Variants in TLN2 observed in about 807,000 individuals in gnomAD.
The protein encoded by TLN2 is talin 2.
In TLN2, 118 loss-of-function variants were observed where a neutral mutation model predicts 294.7. The observed-to-expected ratio is 0.40, with a 90% CI of 0.34 to 0.47. The LOEUF is 0.47. Among genes scored for constraint, TLN2 ranks in the 20% least tolerant of loss-of-function variants. TLN2 has a pLI of 0.84. For missense variants in TLN2, 3,083 were observed against 3,282.2 expected (o/e 0.94, Z 1.48); for synonymous variants, 1,431 against 1,304.5 (o/e 1.10, Z -2.09).
intron 11 of TLN2, among the ~76,000 whole-genome samples, chr15:62,677,896 A>G (rs541155737): frequency 1.5e-5 from 2 of 131,370 alleles, no homozygotes; most frequent in African/African-American, 5.6e-5. Context: ...CCTGTGTTCA[A>G]GCGATTCTCC....
intron 1 of TLN2, among the ~76,000 whole-genome samples, chr15:62,510,034 T>G (rs2039848665): frequency 1.3e-5 from 2 of 152,202 alleles, no homozygotes; most frequent in South Asian, 4.1e-4. Flanking sequence ...ATAGGGAAAG[T>G]TTTTAAGACA....
chr15:62,664,857 CAAA>C (rs10634187), intron 9 of TLN2, among the ~76,000 whole-genome samples: 7 of 29,236 alleles, frequency 2.4e-4, no homozygotes, highest in Middle Eastern at 0.042. Flanking sequence ...GAAACTGTCT[CAAA>C]AAAAAAAAAA....
intron 12 of TLN2, among the ~76,000 whole-genome samples, chr15:62,689,719 C>G (rs1038268857): frequency 1.3e-5 from 2 of 151,688 alleles, no homozygotes; most frequent in African/African-American, 4.8e-5. Context: ...TTTCTTACCT[C>G]CATGGTTTCT....
intron 37 of TLN2, among the ~76,000 whole-genome samples, chr15:62,759,715 G>C (rs1055970759): frequency 6.6e-6 from 1 of 152,184 alleles, no homozygotes; most frequent in African/African-American, 2.4e-5. Flanking sequence ...GCTGGAAGTC[G>C]TGTGATCCCA....
intron 52 of TLN2, among the ~76,000 whole-genome samples, chr15:62,813,526 A>G (rs1166016348): frequency 6.6e-6 from 1 of 152,166 alleles, no homozygotes; most frequent in Non-Finnish European, 1.5e-5. Context: ...AAAGATCCAA[A>G]TATATTTTAA....
intron 1 of TLN2, among the ~76,000 whole-genome samples, chr15:62,534,357 A>G (rs899180844): frequency 2.6e-5 from 4 of 152,172 alleles, no homozygotes; most frequent in African/African-American, 9.7e-5. Flanking sequence ...CTGACAGGCT[A>G]TATGCTGGGG....
intron 1 of TLN2, among the ~76,000 whole-genome samples, chr15:62,444,840 G>T (rs1241534390): frequency 6.6e-6 from 1 of 152,186 alleles, no homozygotes; most frequent in Non-Finnish European, 1.5e-5. Context: ...GGTGCATATG[G>T]TGTTGGATGC....
At chr15:62,422,929 G>A (rs1029123493) in intron 1 of TLN2, among the ~76,000 whole-genome samples, 1 of 152,180 alleles carries the variant, frequency 6.6e-6, no homozygotes, top group Non-Finnish European at 1.5e-5. Context: ...TTTGAACACC[G>A]GTATTGGGAG....
In TLN2 at chr15:62,840,702, C is replaced by G. The variant is rs1017031871; in HGVS notation, c.*92C>G. The G allele has an allele frequency of 2.0e-6, 3 of 1,507,188 alleles. No individual in the cohort carries two copies. Among genetic ancestry groups the G allele is most frequent in the African/African-American group, 1.4e-5 (1 of 71,528 alleles). 93.4% of individuals were successfully genotyped at this position (1,507,188 alleles called of 1,614,324 possible). On this transcript the variant is annotated 3_prime_UTR_variant, in exon 59 of 59. Coordinates refer to ENST00000636159, the MANE Select transcript of TLN2 (RefSeq NM_015059.3). Reference sequence around the variant, plus strand: ...AGAGGCTGGGCACTTAGCTGGAAACCGCCCACCTCCCTCCCGGGTGAGCCT... The same window carrying G: ...AGAGGCTGGGCACTTAGCTGGAAACGGCCCACCTCCCTCCCGGGTGAGCCT...
intron 21 of TLN2, among the ~76,000 whole-genome samples, chr15:62,711,129 T>G (rs752300642): frequency 1.1e-4 from 16 of 152,178 alleles, no homozygotes; most frequent in Admixed American, 3.3e-4. Flanking sequence ...CTTTTTGTTA[T>G]AGTGCTTCGG....
chr15:62,483,946 G>A (rs548543073), intron 1 of TLN2, among the ~76,000 whole-genome samples: 5 of 152,330 alleles, frequency 3.3e-5, no homozygotes, highest in Admixed American at 6.5e-5. Context: ...AGGGCAGTGC[G>A]TAGAGAAGAT....
At chr15:62,414,746 A>G (rs556863818) in intron 1 of TLN2, among the ~76,000 whole-genome samples, 21 of 140,780 alleles carry the variant, frequency 1.5e-4, no homozygotes, top group African/African-American at 5.1e-4. Flanking sequence ...TTAGATTTCC[A>G]CTAGTGCTTA....
At chr15:62,403,611 C>A (rs1005950051) in intron 1 of TLN2, among the ~76,000 whole-genome samples, 1 of 152,344 alleles carries the variant, frequency 6.6e-6, no homozygotes, top group African/African-American at 2.4e-5. Context: ...TCATCTTCTA[C>A]AGGCTCTCCT....
At chr15:62,392,081 G>C (rs971768349) in intron 1 of TLN2, among the ~76,000 whole-genome samples, 4 of 152,394 alleles carry the variant, frequency 2.6e-5, no homozygotes, top group East Asian at 3.9e-4. Context: ...GCTTCCAGTC[G>C]CCTCTTTGGC....
chr15:62,800,714 C>T lies in TLN2; in HGVS notation c.6422C>T (p.Thr2141Ile), dbSNP rs779977190. 1.9e-6 allele frequency: 3 copies of T among 1,614,014 alleles called. No individual in the cohort carries two copies. In the South Asian group the frequency reaches 3.3e-5, roughly 18 times the overall value. Residue 2141 changes from threonine to isoleucine, a missense_variant, in exon 50 of 59, where the codon ACC (threonine) becomes ATC (isoleucine). Physicochemically the swap from Thr to Ile is moderately conservative, Grantham distance 89. Coordinates refer to ENST00000636159, the MANE Select transcript of TLN2 (RefSeq NM_015059.3). ...GTAAAGGCAGTGGAGGATGAGGCCA[C>T]CCGGGGCACCAGGGCGCTTGAGGCC... ...KTVKAVEDEATRGTRALEATI... is the reference protein window; with the variant it reads ...KTVKAVEDEAIRGTRALEATI...
chr15:62,486,462 T>TG (rs970660779), intron 1 of TLN2, among the ~76,000 whole-genome samples: 3 of 127,756 alleles, frequency 2.3e-5, no homozygotes, highest in Non-Finnish European at 5.2e-5. Context: ...GTTTTTTTTT[T>TG]TTTTTTTTTT....
chr15:62,464,091 A>G (rs1366794913), intron 1 of TLN2, among the ~76,000 whole-genome samples: 1 of 152,244 alleles, frequency 6.6e-6, no homozygotes, highest in Non-Finnish European at 1.5e-5. Context: ...GCAAAGGATT[A>G]TAAATCATGC....
At chr15:62,571,674 C>T (rs1192591953) in intron 1 of TLN2, among the ~76,000 whole-genome samples, 2 of 152,184 alleles carry the variant, frequency 1.3e-5, no homozygotes, top group Non-Finnish European at 2.9e-5. Flanking sequence ...CAGCTTATCT[C>T]CAATTTTCAA....
intron 1 of TLN2, among the ~76,000 whole-genome samples, chr15:62,402,524 G>C (rs2033101713): frequency 6.6e-6 from 1 of 151,998 alleles, no homozygotes; most frequent in African/African-American, 2.4e-5. Context: ...TCCCCGCTTT[G>C]TCTTACTGTC....
Sources: gnomAD v4.1 joint callset for allele counts (sites outside exome capture counted in the v4.1 genomes callset) on GRCh38, gnomAD v4.1.1 for gene constraint, MANE v1.5 for transcripts, NCBI Gene and HGNC (gene_info 2026-07-23, HGNC 2026-07-21) for gene names.